Variants in PARD3 observed in about 807,000 individuals in gnomAD.
PARD3 encodes par-3 family cell polarity regulator, also known as partitioning defective 3 homolog.
A neutral mutation model predicts 155.4 loss-of-function variants in PARD3; 75 were observed. That is an observed-to-expected ratio of 0.48 (90% CI 0.40 to 0.58). The LOEUF (loss-of-function observed/expected upper bound fraction) is 0.58, where lower values mean the gene tolerates loss of function less well. Ranked by LOEUF, PARD3 falls within the 20% of genes least tolerant of loss-of-function variation. The probability of loss-of-function intolerance (pLI) is 0.00; values close to 1 mark genes in which losing one functional copy is unlikely to be tolerated. For missense variants in PARD3, 1,642 were observed against 1,721.7 expected (o/e 0.95, Z 0.82); for synonymous variants, 576 against 610.5 (o/e 0.94, Z 0.83).
intron 12 of PARD3, among the ~76,000 whole-genome samples, chr10:34,362,802 C>T (rs1044078581): frequency 6.6e-6 from 1 of 152,104 alleles, no homozygotes; most frequent in South Asian, 2.1e-4. Flanking sequence ...TTACAGAGTA[C>T]GAAATAATGA....
At chr10:34,641,339 G>C (rs1248345986) in intron 2 of PARD3, among the ~76,000 whole-genome samples, 2 of 152,206 alleles carry the variant, frequency 1.3e-5, no homozygotes, top group African/African-American at 4.8e-5. Context: ...CCCGCACCCT[G>C]AGCTGCCGGG....
rs1233713914 is a variant in PARD3, at chr10:34,681,754, ATATATATATATATATTTTTTTTTTTT to A, written c.222+14538_222+14563del. ...TTTATATATATATATATATATATAT[ATATATATATATATATTTTTTTTTTTT>A]TTTTTTTTTTTTTTTTTTTTAAGTA... On this transcript the variant is annotated intron_variant, in intron 2 of 24. Transcript: ENST00000374788. 8.0e-3 allele frequency among the ~76,000 whole-genome samples: 152 copies of A among 19,000 alleles called. 3 individuals are homozygous for A. The highest frequency in any genetic ancestry group is 0.034 in the African/African-American group (146 of 4,320). The allele number at this position is 19,000 out of a possible 152,430, so 12.5% of individuals were successfully genotyped here.
intron 2 of PARD3, among the ~76,000 whole-genome samples, chr10:34,597,443 T>A (rs1447704308): frequency 6.6e-6 from 1 of 151,888 alleles, no homozygotes; most frequent in Non-Finnish European, 1.5e-5. Context: ...TATTATTATT[T>A]TTGAGACAAG....
intron 2 of PARD3, among the ~76,000 whole-genome samples, chr10:34,688,763 T>C (rs2093996065): frequency 6.6e-6 from 1 of 152,194 alleles, no homozygotes; most frequent in Non-Finnish European, 1.5e-5. Context: ...CGTTAATAAT[T>C]AAAGGATAAT....
chr10:34,347,728 G>A (rs527737628), intron 15 of PARD3, among the ~76,000 whole-genome samples: 12 of 152,140 alleles, frequency 7.9e-5, no homozygotes, highest in African/African-American at 2.6e-4. Flanking sequence ...CTTTTTGGTT[G>A]CTTCGTCATG....
chr10:34,446,420 C>T (rs757288926), intron 5 of PARD3, among the ~76,000 whole-genome samples: 9 of 152,050 alleles, frequency 5.9e-5, no homozygotes, highest in African/African-American at 1.4e-4. Flanking sequence ...TCACTTGACA[C>T]GGCAACCCCT....
intron 14 of PARD3, among the ~76,000 whole-genome samples, chr10:34,353,169 G>T (rs1260610607): frequency 6.6e-6 from 1 of 152,234 alleles, no homozygotes; most frequent in Non-Finnish European, 1.5e-5. Context: ...CCGTCCGGGA[G>T]GGAGGTGGGG....
At chr10:34,533,995 C>T (rs1217369601) in intron 2 of PARD3, among the ~76,000 whole-genome samples, 2 of 152,132 alleles carry the variant, frequency 1.3e-5, no homozygotes, top group African/African-American at 4.8e-5. Flanking sequence ...TAAACACCCC[C>T]ATTTCCATGA....
intron 2 of PARD3, among the ~76,000 whole-genome samples, chr10:34,582,759 C>T (rs1186456002): frequency 6.6e-6 from 1 of 152,210 alleles, no homozygotes; most frequent in Non-Finnish European, 1.5e-5. Context: ...TTAAGCTAGG[C>T]AGTCATGTGC....
At chr10:34,320,081 A>G (rs1303329732) in intron 19 of PARD3, among the ~76,000 whole-genome samples, 4 of 152,212 alleles carry the variant, frequency 2.6e-5, no homozygotes, top group Non-Finnish European at 4.4e-5. Context: ...TCCTCAAATG[A>G]AGACTGTGGG....
intron 22 of PARD3, among the ~76,000 whole-genome samples, chr10:34,180,773 G>C (rs1950233625): frequency 6.6e-6 from 1 of 152,082 alleles, no homozygotes; most frequent in South Asian, 2.1e-4. Context: ...AACTGCCCTC[G>C]TGTCTTGCTG....
chr10:34,752,740 C>T (rs950021751), intron 1 of PARD3, among the ~76,000 whole-genome samples: 1 of 152,166 alleles, frequency 6.6e-6, no homozygotes, highest in African/African-American at 2.4e-5. Context: ...TATCAGAAGG[C>T]GGACGCTATT....
At chr10:34,784,993 T>A (rs189122071) in intron 1 of PARD3, among the ~76,000 whole-genome samples, 1 of 152,354 alleles carries the variant, frequency 6.6e-6, no homozygotes, top group Admixed American at 6.5e-5. Context: ...TGCCTTAGAC[T>A]GCTGGAAATG....
chr10:34,180,381 C>G (rs549932556), intron 22 of PARD3, among the ~76,000 whole-genome samples: 1 of 152,208 alleles, frequency 6.6e-6, no homozygotes, highest in South Asian at 2.1e-4. Flanking sequence ...GCAAACAATC[C>G]AAATTACACT....
intron 1 of PARD3, among the ~76,000 whole-genome samples, chr10:34,720,324 A>G (rs1289530923): frequency 1.3e-5 from 2 of 151,936 alleles, no homozygotes; most frequent in Non-Finnish European, 2.9e-5. Flanking sequence ...AATCTCAGCT[A>G]CTTGGGAGGA....
rs1308238254 is a variant in PARD3, at chr10:34,752,876, C to T, written c.121-56457G>A. 3.3e-5 allele frequency among the ~76,000 whole-genome samples: 5 copies of T among 152,196 alleles called. No homozygotes were observed. In the East Asian group the frequency reaches 7.7e-4, roughly 23 times the overall value. Reference sequence around the variant, plus strand: ...TGTGTGCGAATACCTCAGCTAAAGGCTAGTGTTTCAAGAAAGCCTATCCTT... The same window carrying T: ...TGTGTGCGAATACCTCAGCTAAAGGTTAGTGTTTCAAGAAAGCCTATCCTT... On this transcript the variant is annotated intron_variant, in intron 1 of 24. Coordinates refer to ENST00000374788, the MANE Select transcript of PARD3 (RefSeq NM_001184785.2).
chr10:34,766,236 G>A (rs1838067546), intron 1 of PARD3, among the ~76,000 whole-genome samples: 1 of 152,144 alleles, frequency 6.6e-6, no homozygotes, highest in Non-Finnish European at 1.5e-5. Context: ...TTCTTAGTAA[G>A]GATCTGTGTA....
intron 2 of PARD3, among the ~76,000 whole-genome samples, chr10:34,566,507 C>T (rs1033479019): frequency 6.6e-6 from 1 of 152,096 alleles, no homozygotes; most frequent in Non-Finnish European, 1.5e-5. Context: ...TACATTATCC[C>T]GGAAATGCAG....
At chr10:34,371,892 G>A (rs929618126) in intron 12 of PARD3, among the ~76,000 whole-genome samples, 4 of 152,020 alleles carry the variant, frequency 2.6e-5, no homozygotes, top group Admixed American at 2.0e-4. Flanking sequence ...TATTGTGTTA[G>A]TTCTGCCTGC....
Sources: gnomAD v4.1 joint callset for allele counts (sites outside exome capture counted in the v4.1 genomes callset) on GRCh38, gnomAD v4.1.1 for gene constraint, MANE v1.5 for transcripts, NCBI Gene and HGNC (gene_info 2026-07-23, HGNC 2026-07-21) for gene names.